The following DENND4A variants were observed in gnomAD, a reference collection of about 807,000 sequenced individuals.
DENND4A encodes C-myc promoter-binding protein.
DENND4A carries 70 observed loss-of-function variants against 199.3 expected under a neutral mutation model. The observed-to-expected ratio is 0.35, with a 90% CI of 0.29 to 0.43. The LOEUF (loss-of-function observed/expected upper bound fraction) is 0.43. Among genes scored for constraint, DENND4A ranks in the 20% least tolerant of loss-of-function variants. The pLI is 1.00. For missense variants in DENND4A, 1,723 were observed against 2,255.8 expected (o/e 0.76, Z 4.78); for synonymous variants, 686 against 766.9 (o/e 0.89, Z 1.74).
At position 65,676,449 on chromosome 15, in the gene DENND4A, C is replaced by A. The variant is rs11858075; in HGVS notation, c.4365G>T (p.Leu1455Phe). 3.8e-6 allele frequency: 6 copies of A among 1,599,008 alleles called. No homozygotes were observed. The South Asian group carries it at 5.7e-5, about 15-fold the overall frequency. The change falls in exon 24 of 33, where the codon TTG becomes TTT. Residue 1455 changes from leucine to phenylalanine, a missense_variant. This residue lies in a region of DENND4A where 650 missense variants were observed against 738.1 expected (regional missense o/e 0.88). Transcript: ENST00000443035. Reference protein sequence around the residue: ...SRISLESSASLEGSLSKFALP... With the variant: ...SRISLESSASFEGSLSKFALP... The stretch of plus-strand genomic sequence containing the variant: ...GACAGAACTGTTTGGACAAACCTTC[C>A]AAGGATGCAGAACTTTCCAGGCTTA...
chr15:65,697,084 T>C, intron 21 of DENND4A, 183 bp downstream of exon 21: 2 of 530,454 alleles, frequency 3.8e-6, no homozygotes, highest in East Asian at 3.2e-5. Flanking sequence ...ACTGAGGCTA[T>C]ATACTTCATA....
intron 32 of DENND4A, 74 bp from the exon 33 acceptor site, chr15:65,662,061 A>G (rs531659136): frequency 2.4e-6 from 3 of 1,253,524 alleles, no homozygotes; most frequent in South Asian, 1.4e-5. Flanking sequence ...AGTTTCTATA[A>G]TACTACAGAA....
chr15:65,770,798 A>G (rs1290755776), intron 1 of DENND4A, among the ~76,000 whole-genome samples: 1 of 152,242 alleles, frequency 6.6e-6, no homozygotes, highest in African/African-American at 2.4e-5. Context: ...AAGAATTTAA[A>G]TAAAAAAGCA....
rs2076390556 is a variant in DENND4A at position 65,676,610 on chromosome 15, G to T, written c.4204C>A (p.Leu1402Ile). ...SKDQSSDRTS[L>I]SSVGAQDSES... is the part of the protein sequence containing the mutation. ...GAATCCTGGGCTCCCACTGAAGAAAGACTGGTACGATCAGAACTTTGATCC... is the reference window on the plus strand; with the variant it reads ...GAATCCTGGGCTCCCACTGAAGAAATACTGGTACGATCAGAACTTTGATCC... The change falls in exon 24 of 33, where the codon CTT becomes ATT. Residue 1402 changes from leucine to isoleucine, a missense_variant. This residue lies in a region of DENND4A where 650 missense variants were observed against 738.1 expected (regional missense o/e 0.88). Coordinates refer to ENST00000443035, the MANE Select transcript of DENND4A (RefSeq NM_001320835.1). 6.2e-7 allele frequency: 1 copy of T among 1,612,554 alleles called. No individual in the cohort carries two copies. The highest frequency in any genetic ancestry group is 1.3e-5 in the African/African-American group (1 of 74,880).
At chr15:65,736,884 A>G (rs1419043069) in intron 7 of DENND4A, among the ~76,000 whole-genome samples, 2 of 152,166 alleles carry the variant, frequency 1.3e-5, no homozygotes, top group Non-Finnish European at 2.9e-5. Flanking sequence ...TCTGCTCACT[A>G]AAGTTTTTTT....
At chr15:65,681,579 G>GT (rs113160013) in intron 23 of DENND4A, among the ~76,000 whole-genome samples, 10,767 of 140,198 alleles carry the variant, frequency 0.077, 405 homozygotes, top group African/African-American at 0.11. Context: ...TCATTTTTTT[G>GT]TTTTTTTTTT....
intron 5 of DENND4A, 84 bp downstream of exon 5, chr15:65,741,631 G>A: frequency 1.8e-6 from 2 of 1,095,864 alleles, no homozygotes; most frequent in South Asian, 2.7e-5. Context: ...TACTAACACA[G>A]ACTAGGCAGG....
intron 4 of DENND4A, among the ~76,000 whole-genome samples, chr15:65,751,681 G>A (rs2076566659): frequency 6.6e-6 from 1 of 152,122 alleles, no homozygotes; most frequent in Non-Finnish European, 1.5e-5. Context: ...TAAGAAGAGA[G>A]TATATTTCTT....
Position 65,664,669 on chromosome 15 carries a change from G to A in DENND4A, c.5413C>T (p.Gln1805Ter), listed in dbSNP as rs551820127. Residue 1805 changes from glutamine (Q) to a stop codon, truncating the protein, a stop_gained, in exon 31 of 33, where the codon CAG (glutamine) becomes TAG (stop). Transcript: ENST00000443035. LOFTEE classifies it high-confidence loss of function. ...TTTACCATACTTTTCAACAGTTCCT[G>A]GTTAAATGAGTTATCACTTTTTTGC... ...LLQKSDNSFN[Q>*]ELLKSMVKSI... is the part of the protein sequence containing the mutation. 1 of 1,612,774 alleles carries A rather than the reference G, an allele frequency of 6.2e-7. No individual in the cohort carries two copies. Among genetic ancestry groups the A allele is most frequent in the East Asian group, 2.2e-5 (1 of 44,734 alleles).
At chr15:65,665,491 G>A in intron 29 of DENND4A, 29 bp from the exon 30 acceptor site, 1 of 1,512,982 alleles carries the variant, frequency 6.6e-7, no homozygotes, top group South Asian at 1.2e-5. Flanking sequence ...ATTCATTAAT[G>A]ATCCTTACAT....
intron 3 of DENND4A, among the ~76,000 whole-genome samples, chr15:65,755,214 A>C (rs2076669211): frequency 6.6e-6 from 1 of 152,262 alleles, no homozygotes. Context: ...AAAGACAGAA[A>C]GTAGCCAAAG....
At chr15:65,770,440 G>T (rs76912789) in intron 1 of DENND4A, among the ~76,000 whole-genome samples, 1 of 152,104 alleles carries the variant, frequency 6.6e-6, no homozygotes, top group East Asian at 1.9e-4. Flanking sequence ...ACTATTTATA[G>T]CCATTTCCTC....
In DENND4A at chr15:65,752,351, A is replaced by G. The variant is rs748953918; in HGVS notation, c.561+28T>C. ...ATTATGCTCTTTTCATCAGTGGTTA[A>G]TGTTACCAGTGCAAGTAAGTCACTT... On this transcript the variant is annotated intron_variant, in intron 4 of 32. Transcript: ENST00000443035. 7.3e-6 allele frequency: 9 copies of G among 1,233,048 alleles called. No individual in the cohort carries two copies. In the South Asian group the frequency reaches 1.4e-4, roughly 19 times the overall value. 76.4% of individuals were successfully genotyped at this position (1,233,048 alleles called of 1,614,324 possible). A position where few individuals can be genotyped will look rare whatever the true frequency, so the allele number is the denominator to read the frequency against.
chr15:65,665,379 C>G lies in DENND4A; in HGVS notation c.5325G>C (p.Pro1775=), dbSNP rs61751113. 0.013 allele frequency: 20,768 copies of G among 1,613,520 alleles called. 168 individuals carry two copies. Among genetic ancestry groups the G allele is most frequent in the Non-Finnish European group, 0.015 (18,085 of 1,179,576 alleles). ...LWDNMKLHQD[P]GQPLYILWNA... ...TCCAGAGAATGTACAAGGGCTGTCC[C>G]GGATCCTGATGTAACTTCATATTGT... is the stretch of plus-strand genomic sequence containing the variant. Residue 1775 remains proline, a synonymous_variant, in exon 30 of 33, where the codon CCG becomes CCC. Transcript: ENST00000443035.
At position 65,690,541 on chromosome 15, in the gene DENND4A, G is replaced by A; in HGVS notation, c.4053C>T (p.Asn1351=). 1 of 1,613,600 alleles carries A rather than the reference G, an allele frequency of 6.2e-7. No individual in the cohort carries two copies. The highest frequency in any genetic ancestry group is 8.5e-7 in the Non-Finnish European group (1 of 1,179,674). The change falls in exon 23 of 33, where the codon AAC becomes AAT. Residue 1351 remains asparagine (N), a synonymous_variant. Transcript: ENST00000443035. ...DTLTHSSPSF[N]LDTLLVPKLD... ...GTTTAGGTACTAGTAGTGTATCTAA[G>A]TTAAATGAAGGTGATGAGTGGGTTA...
intron 11 of DENND4A, among the ~76,000 whole-genome samples, chr15:65,724,356 A>G (rs764603799): frequency 3.6e-4 from 54 of 150,120 alleles, no homozygotes; most frequent in Non-Finnish European, 6.2e-4. Context: ...CACTGTGACC[A>G]GCTGACTCTA....
intron 3 of DENND4A, among the ~76,000 whole-genome samples, chr15:65,755,008 A>G (rs2076663509): frequency 1.3e-5 from 2 of 152,378 alleles, no homozygotes; most frequent in South Asian, 4.1e-4. Context: ...AAAGTCTCAA[A>G]CATCCATCAA....
At chr15:65,673,812 C>T (rs1299290179) in intron 24 of DENND4A, among the ~76,000 whole-genome samples, 1 of 152,186 alleles carries the variant, frequency 6.6e-6, no homozygotes, top group Non-Finnish European at 1.5e-5. Flanking sequence ...CCCTCTGCTA[C>T]AGCTAGTTCA....
intron 22 of DENND4A, 84 bp downstream of exon 22, chr15:65,696,282 T>G: frequency 6.7e-7 from 1 of 1,488,040 alleles, no homozygotes; most frequent in Non-Finnish European, 9.0e-7. Flanking sequence ...CTTGGAGAAT[T>G]AAGACTATTA....
Sources: gnomAD v4.1 joint callset for allele counts (sites outside exome capture counted in the v4.1 genomes callset) on GRCh38, gnomAD v4.1.1 for gene constraint, gnomAD v4.1.1 regional missense constraint, MANE v1.5 for transcripts, NCBI Gene and HGNC (gene_info 2026-07-23, HGNC 2026-07-21) for gene names.